GHRHR: variants seen among roughly 807,000 people sequenced by gnomAD.
The protein encoded by GHRHR is growth hormone-releasing hormone receptor.
A neutral mutation model predicts 58.3 loss-of-function variants in GHRHR; 40 were observed. The observed-to-expected ratio is 0.69, with a 90% CI of 0.53 to 0.89. GHRHR has a LOEUF of 0.89. GHRHR is among the 40% of genes least tolerant of loss of function. The probability of loss-of-function intolerance (pLI) is 0.00; values close to 1 mark genes in which losing one functional copy is unlikely to be tolerated. For missense variants in GHRHR, 551 were observed against 541.3 expected (o/e 1.02, Z -0.18); for synonymous variants, 249 against 216.6 (o/e 1.15, Z -1.31).
chr7:30,976,066 C>T (rs1013162125), intron 10 of GHRHR, 198 bp downstream of exon 10: 1 of 613,332 alleles, frequency 1.6e-6, no homozygotes, highest in African/African-American at 1.8e-5. Flanking sequence ...ACAGCCAGCT[C>T]CCATGCCAAA....
intron 1 of GHRHR, among the ~76,000 whole-genome samples, chr7:30,965,383 G>A (rs541135517): frequency 6.7e-6 from 1 of 150,372 alleles, no homozygotes; most frequent in East Asian, 1.9e-4. Flanking sequence ...CAGGGCGATG[G>A]AGCCTCCCCT....
At position 30,976,683 on chromosome 7, in the gene GHRHR, ATCTG is replaced by A. The variant is rs1792591679; in HGVS notation, c.1104+136_1104+139del. ...ATGTTTTTCATCCATCTATTCAAAT[ATCTG>A]TCTGTCTGTCCATCTTCCAGCCACC... is the stretch of plus-strand genomic sequence containing the variant. On this transcript the variant is annotated intron_variant, in intron 11 of 12. Coordinates refer to ENST00000326139, the MANE Select transcript of GHRHR (RefSeq NM_000823.4). The A allele has an allele frequency of 1.9e-5, 15 of 803,648 alleles. 2 individuals carry two copies. Among genetic ancestry groups the A allele is most frequent in the Middle Eastern group, 3.0e-4 (1 of 3,380 alleles). The allele number at this position is 803,648 out of a possible 1,614,324, so 49.8% of individuals were successfully genotyped here.
At chr7:30,976,667 A>T in intron 11 of GHRHR, 109 bp downstream of exon 11, 1 of 904,796 alleles carries the variant, frequency 1.1e-6, no homozygotes, top group East Asian at 2.6e-5. Context: ...TATGTTTTTC[A>T]TCCATCTATT....
chr7:30,976,549 T>C lies in GHRHR; in HGVS notation c.1095T>C (p.Gly365=). ...GIRLPLELGL[G]SFQGFIVAIL... is the part of the protein sequence containing the mutation. ...GCCTCCCCCTGGAGCTGGGACTGGG[T>C]TCCTTCCAGGTGAGGGCCCCCACAG... The change falls in exon 11 of 13, where the codon GGT becomes GGC. Residue 365 remains glycine, a synonymous_variant. Transcript: ENST00000326139. The C allele has an allele frequency of 9.3e-6, 15 of 1,613,410 alleles. No individual in the cohort carries two copies. The highest frequency in any genetic ancestry group is 1.3e-5 in the Non-Finnish European group (15 of 1,179,664).
Position 30,969,049 on chromosome 7 carries a change from G to A in GHRHR, c.161-14G>A. 6.4e-7 allele frequency: 1 copy of A among 1,572,640 alleles called. No homozygotes were observed. Among genetic ancestry groups the A allele is most frequent in the Non-Finnish European group, 8.6e-7 (1 of 1,156,564 alleles). On this transcript the variant is annotated splice_polypyrimidine_tract_variant and intron_variant, in intron 2 of 12. Coordinates refer to ENST00000326139, the MANE Select transcript of GHRHR (RefSeq NM_000823.4). ...CCTGGGCTGAGTCTCTGCTGCTCCT[G>A]GCTCTCTATCCAGGCTGCCCTGCGA... is the stretch of plus-strand genomic sequence containing the variant.
chr7:30,969,391 A>T, intron 3 of GHRHR: 1 of 616,622 alleles, frequency 1.6e-6, no homozygotes, highest in Admixed American at 2.4e-5. Context: ...TAGAGTGCAG[A>T]ACCTGTAAGT....
At chr7:30,972,706 G>C (rs545190573) in intron 6 of GHRHR, among the ~76,000 whole-genome samples, 2 of 152,298 alleles carry the variant, frequency 1.3e-5, no homozygotes, top group African/African-American at 4.8e-5. Context: ...GGGAGAGATG[G>C]GGTGGAGACA....
intron 11 of GHRHR, among the ~76,000 whole-genome samples, chr7:30,977,074 T>A (rs1458872991): frequency 6.6e-6 from 1 of 152,204 alleles, no homozygotes; most frequent in African/African-American, 2.4e-5. Context: ...GGGCCAACAG[T>A]ACAGCCCTGG....
chr7:30,977,282 GC>G lies in GHRHR; in HGVS notation c.1107del (p.Phe370SerfsTer14). On this transcript the variant is annotated frameshift_variant and splice_region_variant, in exon 12 of 13. Coordinates refer to ENST00000326139, the MANE Select transcript of GHRHR (RefSeq NM_000823.4). LOFTEE classifies it high-confidence loss of function. ...GGTCTTTCTTCTTTGGACCCACAGG[GC>G]TTCATTGTTGCCATCCTCTACTGCT... ...PLELGLGSFQ[G>X]FIVAILYCFL... 6.2e-7 allele frequency: 1 copy of G among 1,614,066 alleles called. No individual in the cohort carries two copies. The highest frequency in any genetic ancestry group is 8.5e-7 in the Non-Finnish European group (1 of 1,179,936).
In GHRHR at chr7:30,979,171, C is replaced by T; in HGVS notation, c.1199C>T (p.Pro400Leu). 6.2e-7 allele frequency: 1 copy of T among 1,613,672 alleles called. No individual in the cohort carries two copies. The highest frequency in any genetic ancestry group is 1.1e-5 in the South Asian group (1 of 91,070). ...KWHGHDPELL[P>L]AWRTRAKWTT... ...CATGGCCATGACCCTGAGCTTCTGC[C>T]AGCCTGGAGGACCCGTGCTAAGTGG... The change falls in exon 13 of 13, where the codon CCA becomes CTA. Residue 400 changes from proline to leucine, a missense_variant. Pro to Leu is a moderately conservative substitution (Grantham distance 98, BLOSUM62 -3). Coordinates refer to ENST00000326139, the MANE Select transcript of GHRHR (RefSeq NM_000823.4).
intron 6 of GHRHR, among the ~76,000 whole-genome samples, chr7:30,973,234 G>C (rs139977557): frequency 1.3e-5 from 2 of 152,334 alleles, no homozygotes; most frequent in Non-Finnish European, 1.5e-5. Flanking sequence ...TGAGTAGCCT[G>C]AGGGGGAGGA....
At chr7:30,964,829 C>A (rs561665709) in intron 1 of GHRHR, among the ~76,000 whole-genome samples, 1 of 152,288 alleles carries the variant, frequency 6.6e-6, no homozygotes, top group African/African-American at 2.4e-5. Context: ...TGCAGTTTCC[C>A]AGTAACTTTC....
In GHRHR at chr7:30,977,160, A is replaced by G; in HGVS notation, c.1105-121A>G. The G allele has an allele frequency of 1.2e-5, 11 of 907,250 alleles. 1 individual carries two copies. In the South Asian group the frequency reaches 1.3e-4, roughly 11 times the overall value. The allele number at this position is 907,250 out of a possible 1,614,324, so 56.2% of individuals were successfully genotyped here. ...ATGAATGCATTTAAATTCCCCTTTC[A>G]ATCAAACCTGGCCCAAGCCATAGCC... On this transcript the variant is annotated intron_variant, in intron 11 of 12. Transcript: ENST00000326139.
intron 9 of GHRHR, 120 bp from the exon 10 acceptor site, chr7:30,975,657 C>T: frequency 1.4e-6 from 1 of 712,988 alleles, no homozygotes; most frequent in Admixed American, 2.0e-5. Flanking sequence ...CATTCACCTG[C>T]ACATTCTCAC....
At chr7:30,966,225 C>A (rs553226322) in intron 1 of GHRHR, among the ~76,000 whole-genome samples, 3 of 152,170 alleles carry the variant, frequency 2.0e-5, no homozygotes, top group Non-Finnish European at 4.4e-5. Context: ...CACGTGGTCA[C>A]CCACCATCTA....
In GHRHR at chr7:30,971,154, C is replaced by T. The variant is rs1021667464; in HGVS notation, c.402C>T (p.Thr134=). The change falls in exon 5 of 13, where the codon ACC becomes ACT. Residue 134 remains threonine (T), a synonymous_variant. Coordinates refer to ENST00000326139, the MANE Select transcript of GHRHR (RefSeq NM_000823.4). The part of the protein sequence containing the change: ...SYFSTVKIIY[T]VGHSISIVAL... ...TCTCCACAGTGAAGATTATCTACAC[C>T]GTGGGCCATAGCATCTCTATTGTAG... 64 of 1,522,058 alleles carry T rather than the reference C, an allele frequency of 4.2e-5. No individual in the cohort carries two copies. The highest frequency in any genetic ancestry group is 1.1e-4 in the South Asian group (9 of 83,670). 94.3% of individuals were successfully genotyped at this position (1,522,058 alleles called of 1,614,324 possible).
At chr7:30,965,169 C>T (rs1425007232) in intron 1 of GHRHR, among the ~76,000 whole-genome samples, 1 of 152,204 alleles carries the variant, frequency 6.6e-6, no homozygotes, top group East Asian at 1.9e-4. Flanking sequence ...ACACAGGAAA[C>T]TTCGACTGCC....
intron 12 of GHRHR, among the ~76,000 whole-genome samples, chr7:30,978,640 G>A (rs2128599110): frequency 6.6e-6 from 1 of 151,838 alleles, no homozygotes; most frequent in African/African-American, 2.4e-5. Context: ...GTTCCATCTT[G>A]CCCCAGGCTA....
Position 30,971,995 on chromosome 7 carries a change from C to T in GHRHR, c.497C>T (p.Thr166Ile), listed in dbSNP as rs1309356287. Residue 166 changes from threonine to isoleucine, a missense_variant, in exon 6 of 13, where the codon ACC (threonine) becomes ATC (isoleucine). Physicochemically the swap from Thr to Ile is moderately conservative, Grantham distance 89. Transcript: ENST00000326139. ...RLHCPRNYVHTQLFTTFILKA... is the reference protein window; with the variant it reads ...RLHCPRNYVHIQLFTTFILKA... ...CACTGCCCCCGGAACTACGTCCACA[C>T]CCAGCTGTTCACCACTTTTATCCTC... 6.2e-7 allele frequency: 1 copy of T among 1,613,938 alleles called. No individual in the cohort carries two copies. The highest frequency in any genetic ancestry group is 8.5e-7 in the Non-Finnish European group (1 of 1,179,846).
Sources: gnomAD v4.1 joint callset for allele counts (sites outside exome capture counted in the v4.1 genomes callset) on GRCh38, gnomAD v4.1.1 for gene constraint, MANE v1.5 for transcripts, NCBI Gene and HGNC (gene_info 2026-07-23, HGNC 2026-07-21) for gene names.